Variants in TMPO observed in about 807,000 individuals in gnomAD.
TMPO encodes thymopoietin, also known as LEM domain containing 4.
In TMPO, 22 loss-of-function variants were observed where a neutral mutation model predicts 45.4. The ratio of observed to expected loss-of-function variants is 0.48; its 90% CI spans 0.35 to 0.69. The LOEUF (loss-of-function observed/expected upper bound fraction) is 0.69, where lower values mean the gene tolerates loss of function less well. TMPO is among the 30% of genes least tolerant of loss of function. TMPO has a pLI of 0.01. For synonymous variants in TMPO, 241 were observed against 204.1 expected, an observed-to-expected ratio of 1.18 and a Z score of -1.54; for missense variants, 512 against 548.8, an observed-to-expected ratio of 0.93 and a Z score of 0.67.
In TMPO at chr12:98,533,762, T is replaced by C. The variant is rs911495532; in HGVS notation, c.565+1924T>C. ...TTCCATGAATCTATTTTAAAAGTAA[T>C]TGAAGAAGAATGGCAGCAAGTTGAC... On this transcript the variant is annotated intron_variant, in intron 3 of 8. Transcript: ENST00000556029. 9.9e-6 allele frequency: 16 copies of C among 1,614,078 alleles called. No individual in the cohort carries two copies. In the Admixed American group the frequency reaches 1.7e-4, roughly 17 times the overall value.
At chr12:98,520,275 T>TTCCTTCCTTCCTTCCC in intron 1 of TMPO, among the ~76,000 whole-genome samples, 1 of 143,178 alleles carries the variant, frequency 7.0e-6, no homozygotes, top group African/African-American at 2.6e-5. Context: ...TATTTTTCCC[T>TTCCTTCCTTCCTTCCC]TCCTTCCTTC....
chr12:98,538,515 G>T (rs1435522400), intron 4 of TMPO, among the ~76,000 whole-genome samples: 1 of 152,076 alleles, frequency 6.6e-6, no homozygotes, highest in Non-Finnish European at 1.5e-5. Context: ...ACCACGCTCA[G>T]CTAATTTTTG....
chr12:98,539,837 A>T (rs541745145), intron 4 of TMPO, among the ~76,000 whole-genome samples: 3 of 152,252 alleles, frequency 2.0e-5, no homozygotes, highest in African/African-American at 7.2e-5. Flanking sequence ...AGTCTTTGAC[A>T]TAGTGTTTCA....
In TMPO at chr12:98,516,155, G is replaced by A. The variant is rs1256491473; in HGVS notation, c.279+9G>A. 1 of 1,396,376 alleles carries A rather than the reference G, an allele frequency of 7.2e-7. No individual in the cohort carries two copies. Among genetic ancestry groups the A allele is most frequent in the Non-Finnish European group, 9.2e-7 (1 of 1,082,254 alleles). 86.5% of individuals were successfully genotyped at this position (1,396,376 alleles called of 1,614,324 possible). On this transcript the variant is annotated intron_variant, in intron 1 of 8. Coordinates refer to ENST00000556029, the MANE Select transcript of TMPO (RefSeq NM_001032283.3). ...GAGCAGCCGTCGGCAGGGTAAGGAC[G>A]CGGGGCCGGGGCTACAAAGGCGGGC... is the stretch of plus-strand genomic sequence containing the variant.
At position 98,546,779 on chromosome 12, in the gene TMPO, A is replaced by G. The variant is rs145233742; in HGVS notation, c.1079+332A>G. 7.3e-3 allele frequency among the ~76,000 whole-genome samples: 1,114 copies of G among 152,300 alleles called. 17 individuals are homozygous for G. The highest frequency in any genetic ancestry group is 0.034 in the Middle Eastern group (10 of 294). ...ATTCTTGAAAGTTGAATGAGTTTCA[A>G]AATTGCGATTGGTAAATGGAGGATT... On this transcript the variant is annotated intron_variant, in intron 8 of 8. Coordinates refer to ENST00000556029, the MANE Select transcript of TMPO (RefSeq NM_001032283.3).
intron 4 of TMPO, among the ~76,000 whole-genome samples, chr12:98,541,747 G>A (rs1877925947): frequency 6.6e-6 from 1 of 152,120 alleles, no homozygotes; most frequent in Non-Finnish European, 1.5e-5. Flanking sequence ...GCAAAATAAG[G>A]TAGAGTCAGA....
intron 1 of TMPO, among the ~76,000 whole-genome samples, chr12:98,520,557 G>A (rs193117281): frequency 5.4e-5 from 8 of 149,304 alleles, no homozygotes; most frequent in Admixed American, 4.7e-4. Context: ...CACCTGCCTC[G>A]GCCTCCCAAA....
chr12:98,537,813 C>A, intron 4 of TMPO: 1 of 585,234 alleles, frequency 1.7e-6, no homozygotes, highest in East Asian at 2.8e-5. Flanking sequence ...AGATGTAGTT[C>A]AAAGCCAGTT....
At chr12:98,528,391 C>G (rs976786030) in intron 2 of TMPO, among the ~76,000 whole-genome samples, 1 of 151,974 alleles carries the variant, frequency 6.6e-6, no homozygotes, top group Admixed American at 6.6e-5. Flanking sequence ...ATTCTCCTGC[C>G]TCAGCCTCCT....
At chr12:98,534,902 C>G (rs1877478052) in intron 3 of TMPO, 1 of 977,886 alleles carries the variant, frequency 1.0e-6, no homozygotes. Flanking sequence ...AAGCACCAGT[C>G]TACAAACTGT....
rs1378011572 is a variant in TMPO, at chr12:98,515,841, G to C, written c.-27G>C. The C allele has an allele frequency of 2.5e-6, 4 of 1,600,828 alleles. No individual in the cohort carries two copies. The highest frequency in any genetic ancestry group is 3.4e-6 in the Non-Finnish European group (4 of 1,174,436). ...CGTGAGCGGCGGCGGCAAAGGCTGT[G>C]GGGAGGGGGCTTCGCAGATCCCCGA... On this transcript the variant is annotated 5_prime_UTR_variant, in exon 1 of 9. Transcript: ENST00000556029.
chr12:98,531,088 A>G (rs1192882401), intron 2 of TMPO, among the ~76,000 whole-genome samples: 2 of 151,928 alleles, frequency 1.3e-5, no homozygotes, highest in Non-Finnish European at 2.9e-5. Flanking sequence ...ACAGGCGCCC[A>G]CCACCAGGCC....
chr12:98,536,131 A>G (rs1311774636), intron 3 of TMPO, among the ~76,000 whole-genome samples: 5 of 152,312 alleles, frequency 3.3e-5, no homozygotes, highest in East Asian at 1.9e-4. Flanking sequence ...CAAGTATTAA[A>G]TAGATTCTGT....
At position 98,515,681 on chromosome 12, in the gene TMPO, G is replaced by T; in HGVS notation, c.-187G>T. On this transcript the variant is annotated 5_prime_UTR_variant, in exon 1 of 9. Transcript: ENST00000556029. ...CGCAGTTGGTTCGTAGTTCGGCTCTGGGGTCTTTTGTGTCCGGGTCTGGCT... is the reference window on the plus strand; with the variant it reads ...CGCAGTTGGTTCGTAGTTCGGCTCTTGGGTCTTTTGTGTCCGGGTCTGGCT... The T allele has an allele frequency of 1.6e-6, 2 of 1,278,532 alleles. No individual in the cohort carries two copies. Among genetic ancestry groups the T allele is most frequent in the Non-Finnish European group, 2.1e-6 (2 of 937,188 alleles). 79.2% of individuals were successfully genotyped at this position (1,278,532 alleles called of 1,614,324 possible). A position where few individuals can be genotyped will look rare whatever the true frequency, so the allele number is the denominator to read the frequency against.
intron 2 of TMPO, among the ~76,000 whole-genome samples, chr12:98,528,640 CAT>C (rs1701075157): frequency 1.3e-5 from 2 of 151,308 alleles, no homozygotes; most frequent in South Asian, 2.1e-4. Flanking sequence ...TCTGAGGTAA[CAT>C]AGCTGGGCAA....
At position 98,521,128 on chromosome 12, in the gene TMPO, G is replaced by C. The variant is rs868157513; in HGVS notation, c.279+4982G>C. Among the ~76,000 whole-genome samples the C allele has an allele frequency of 2.4e-4, 12 of 50,200 alleles. 1 individual carries two copies. Among genetic ancestry groups the C allele is most frequent in the South Asian group, 5.1e-4 (1 of 1,952 alleles). 32.9% of individuals were successfully genotyped at this position (50,200 alleles called of 152,430 possible). On this transcript the variant is annotated intron_variant, in intron 1 of 8. Transcript: ENST00000556029. ...TTTTTTTTTTTTTTTTTTTTTTTGA[G>C]ACGGAGTGTCGCTCTGTCACCCAGG...
rs1878438193 is a variant in TMPO, at chr12:98,549,822, G to A, written c.*1964G>A. ...ACATTTTCACGTACTTTGCAATTGA[G>A]ACCAGAAAGACTTGTAGGTCTTTCT... On this transcript the variant is annotated 3_prime_UTR_variant, in exon 9 of 9. Transcript: ENST00000556029. 6.6e-6 allele frequency: 1 copy of A among 152,084 alleles called. No homozygotes were observed. The highest frequency in any genetic ancestry group is 2.1e-4 in the South Asian group (1 of 4,822). 9.4% of individuals were successfully genotyped at this position (152,084 alleles called of 1,614,324 possible). A position where few individuals can be genotyped will look rare whatever the true frequency, so the allele number is the denominator to read the frequency against.
At chr12:98,543,355 C>T (rs1045210388) in intron 4 of TMPO, among the ~76,000 whole-genome samples, 1 of 152,222 alleles carries the variant, frequency 6.6e-6, no homozygotes, top group African/African-American at 2.4e-5. Flanking sequence ...AAACCTTAAA[C>T]TACTTGGAAT....
chr12:98,519,196 T>G (rs975806972), intron 1 of TMPO, among the ~76,000 whole-genome samples: 1 of 152,032 alleles, frequency 6.6e-6, no homozygotes, highest in African/African-American at 2.4e-5. Flanking sequence ...TGAAGTAATT[T>G]TTGTTGTTGT....
Sources: gnomAD v4.1 joint callset for allele counts (sites outside exome capture counted in the v4.1 genomes callset) on GRCh38, gnomAD v4.1.1 for gene constraint, MANE v1.5 for transcripts, NCBI Gene and HGNC (gene_info 2026-07-23, HGNC 2026-07-21) for gene names.